CNTNAP5: variants seen among roughly 807,000 people sequenced by gnomAD.
The protein encoded by CNTNAP5 is contactin associated protein family member 5.
Under a neutral mutation model 150.2 loss-of-function variants are expected in CNTNAP5, and 72 were observed. The observed-to-expected ratio is 0.48, with a 90% CI of 0.40 to 0.58. The LOEUF is 0.58. Among genes scored for constraint, CNTNAP5 ranks in the 20% least tolerant of loss-of-function variants. CNTNAP5 has a pLI of 0.00. For synonymous variants in CNTNAP5, 672 were observed against 619.8 expected, an observed-to-expected ratio of 1.08 and a Z score of -1.25; for missense variants, 1,636 against 1,626.2, an observed-to-expected ratio of 1.01 and a Z score of -0.10.
At chr2:124,555,696 T>C (rs575791630) in intron 10 of CNTNAP5, among the ~76,000 whole-genome samples, 1 of 152,294 alleles carries the variant, frequency 6.6e-6, no homozygotes, top group South Asian at 2.1e-4. Context: ...GAAGCAACCA[T>C]GTTAACTTAC....
chr2:124,382,080 C>G (rs1008878933), intron 3 of CNTNAP5, among the ~76,000 whole-genome samples: 1 of 151,920 alleles, frequency 6.6e-6, no homozygotes, highest in Non-Finnish European at 1.5e-5. Context: ...ACTTGCATGC[C>G]CAAATAAATA....
intron 1 of CNTNAP5, among the ~76,000 whole-genome samples, chr2:124,131,912 G>A (rs1267661603): frequency 6.6e-6 from 1 of 152,130 alleles, no homozygotes; most frequent in African/African-American, 2.4e-5. Flanking sequence ...TGTGCCTCAG[G>A]CATGAGCGTG....
chr2:124,533,262 T>C (rs12612022), intron 10 of CNTNAP5, among the ~76,000 whole-genome samples: 44,772 of 152,030 alleles, frequency 0.29, 6,971 homozygotes, highest in South Asian at 0.47. Context: ...ATGGAGATCC[T>C]GCATTTGCAG....
chr2:124,515,757 T>C (rs1694699372), intron 8 of CNTNAP5, among the ~76,000 whole-genome samples: 1 of 152,210 alleles, frequency 6.6e-6, no homozygotes, highest in South Asian at 2.1e-4. Context: ...TCACTAAGTA[T>C]ATTTACTTGG....
At chr2:124,396,024 A>C (rs1691234405) in intron 3 of CNTNAP5, among the ~76,000 whole-genome samples, 1 of 152,204 alleles carries the variant, frequency 6.6e-6, no homozygotes, top group Admixed American at 6.5e-5. Flanking sequence ...GACTGCATGT[A>C]ATGTGTCTGG....
At chr2:124,791,083 T>A (rs1416665546) in intron 18 of CNTNAP5, among the ~76,000 whole-genome samples, 1 of 152,178 alleles carries the variant, frequency 6.6e-6, no homozygotes, top group Non-Finnish European at 1.5e-5. Flanking sequence ...ATCAGAGCAA[T>A]GATAAATAAT....
intron 1 of CNTNAP5, among the ~76,000 whole-genome samples, chr2:124,067,676 A>C (rs986531224): frequency 3.3e-5 from 5 of 152,144 alleles, no homozygotes; most frequent in African/African-American, 1.2e-4. Context: ...AATAAGTAAG[A>C]TACATAATTT....
At chr2:124,053,733 C>T (rs1681771682) in intron 1 of CNTNAP5, among the ~76,000 whole-genome samples, 1 of 152,144 alleles carries the variant, frequency 6.6e-6, no homozygotes, top group African/African-American at 2.4e-5. Context: ...TGTTTGAAAG[C>T]TTGCTCAGTG....
At chr2:124,542,484 G>A (rs1424988956) in intron 10 of CNTNAP5, among the ~76,000 whole-genome samples, 1 of 151,864 alleles carries the variant, frequency 6.6e-6, no homozygotes, top group Non-Finnish European at 1.5e-5. Flanking sequence ...GATTCCAGAA[G>A]TGCACCACTG....
At chr2:124,724,103 C>T (rs1680103820) in intron 13 of CNTNAP5, among the ~76,000 whole-genome samples, 7 of 151,510 alleles carry the variant, frequency 4.6e-5, no homozygotes, top group Admixed American at 4.6e-4. Context: ...TGAGATTGCA[C>T]CACTGCCCTC....
rs146231639 is a variant in CNTNAP5 at position 124,471,415 on chromosome 2, T to C, written c.919-3324T>C. ...TGCTAGTGATTTGTGTACATAATTT[T>C]GTATTATGAGACTTTGCTGAAGTTG... On this transcript the variant is annotated intron_variant, in intron 6 of 23. Transcript: ENST00000682447. Among the ~76,000 whole-genome samples the C allele has an allele frequency of 4.7e-4, 72 of 152,328 alleles. No individual in the cohort carries two copies. The East Asian group carries it at 4.8e-3, about 10-fold the overall frequency.
chr2:124,365,287 G>T (rs918768365), intron 3 of CNTNAP5, among the ~76,000 whole-genome samples: 13 of 148,700 alleles, frequency 8.7e-5, no homozygotes, highest in Non-Finnish European at 1.5e-4. Flanking sequence ...CTGCACCTCA[G>T]CCTTTGCAAG....
intron 5 of CNTNAP5, among the ~76,000 whole-genome samples, chr2:124,443,942 A>G (rs1159630468): frequency 6.6e-6 from 1 of 152,062 alleles, no homozygotes; most frequent in Non-Finnish European, 1.5e-5. Flanking sequence ...TTTAAGAAAA[A>G]AGTGAGATGC....
chr2:124,504,507 G>A lies in CNTNAP5; in HGVS notation c.1278G>A (p.Leu426=), dbSNP rs374473535. The change falls in exon 8 of 24, where the codon CTG becomes CTA. Residue 426 remains leucine (L), a synonymous_variant. Transcript: ENST00000682447. ...TLLLSLEGGI[L]RLVIQKMTER... ...TGCTGAGCCTGGAGGGTGGAATCCTGAGACTCGTGATTCAGAAAATGACAG... is the reference window on the plus strand; with the variant it reads ...TGCTGAGCCTGGAGGGTGGAATCCTAAGACTCGTGATTCAGAAAATGACAG... 6.2e-7 allele frequency: 1 copy of A among 1,613,726 alleles called. No individual in the cohort carries two copies. The highest frequency in any genetic ancestry group is 1.3e-5 in the African/African-American group (1 of 74,908).
chr2:124,505,569 C>T (rs557376517), intron 8 of CNTNAP5, among the ~76,000 whole-genome samples: 2 of 152,246 alleles, frequency 1.3e-5, no homozygotes, highest in Admixed American at 6.5e-5. Context: ...TTGGGAAACA[C>T]TGATTCATTG....
intron 13 of CNTNAP5, among the ~76,000 whole-genome samples, chr2:124,703,095 T>TTTCC (rs199812523): frequency 6.7e-6 from 1 of 148,672 alleles, no homozygotes; most frequent in Non-Finnish European, 1.5e-5. Flanking sequence ...TGAATTCAGC[T>TTTCC]TTCCTTCCTT....
At chr2:124,616,083 A>C (rs1435419662) in intron 12 of CNTNAP5, among the ~76,000 whole-genome samples, 2 of 152,178 alleles carry the variant, frequency 1.3e-5, no homozygotes, top group Admixed American at 1.3e-4. Flanking sequence ...ATTTAGCATA[A>C]TTCTTATGGA....
chr2:124,069,304 G>A (rs1158935425), intron 1 of CNTNAP5, among the ~76,000 whole-genome samples: 1 of 152,168 alleles, frequency 6.6e-6, no homozygotes, highest in African/African-American at 2.4e-5. Context: ...TGTGGTTTGA[G>A]TGTCAGCTTA....
chr2:124,086,257 C>T (rs552602243), intron 1 of CNTNAP5, among the ~76,000 whole-genome samples: 26 of 135,832 alleles, frequency 1.9e-4, no homozygotes, highest in Non-Finnish European at 2.4e-4. Context: ...AGTGCAGTGG[C>T]GCCATCTCGG....
Sources: allele counts gnomAD v4.1 joint callset (sites outside exome capture counted in the v4.1 genomes callset), GRCh38; gene constraint gnomAD v4.1.1; transcripts MANE v1.5; gene names NCBI Gene and HGNC (gene_info 2026-07-23, HGNC 2026-07-21).